PTPN11: variants seen among roughly 807,000 people sequenced by gnomAD.
PTPN11 encodes tyrosine-protein phosphatase non-receptor type 11.
PTPN11 carries 6 observed loss-of-function variants against 78.8 expected under a neutral mutation model. The observed-to-expected ratio is 0.08, with a 90% confidence interval of 0.04 to 0.15. PTPN11 has a LOEUF of 0.15. Among genes scored for constraint, PTPN11 ranks in the 10% least tolerant of loss-of-function variants. PTPN11 has a pLI of 1.00. For synonymous variants in PTPN11, 221 were observed against 263.5 expected, an observed-to-expected ratio of 0.84 and a Z score of 1.56; for missense variants, 386 against 744.8, an observed-to-expected ratio of 0.52 and a Z score of 5.61.
chr12:112,427,362 T>C (rs1308113457), intron 1 of PTPN11, among the ~76,000 whole-genome samples: 1 of 151,558 alleles, frequency 6.6e-6, no homozygotes, highest in East Asian at 1.9e-4. Context: ...CTAGCTAACA[T>C]GGTGAAACCC....
At chr12:112,452,351 T>G (rs1417329750) in intron 3 of PTPN11, among the ~76,000 whole-genome samples, 1 of 151,956 alleles carries the variant, frequency 6.6e-6, no homozygotes, top group Non-Finnish European at 1.5e-5. Flanking sequence ...CTCAGCCTCC[T>G]GAGTAGCTGG....
chr12:112,439,571 T>C (rs2037849275), intron 1 of PTPN11, among the ~76,000 whole-genome samples: 2 of 151,970 alleles, frequency 1.3e-5, no homozygotes, highest in South Asian at 4.1e-4. Context: ...TGGGTTCAGG[T>C]GATTCTCCTG....
chr12:112,454,327 C>T (rs1200413142), intron 4 of PTPN11, among the ~76,000 whole-genome samples: 1 of 152,054 alleles, frequency 6.6e-6, no homozygotes, highest in African/African-American at 2.4e-5. Flanking sequence ...ACCATGTTGG[C>T]CAGGCTGGTC....
In PTPN11 at chr12:112,453,792, G is replaced by C. The variant is rs2038113765; in HGVS notation, c.525+405G>C. ...AGCCTCTTGAGTAGCTGGGACTACA[G>C]GTGTGTGCCACCATGCCCAGCTAGT... On this transcript the variant is annotated intron_variant, in intron 4 of 15. Transcript: ENST00000351677. 4.6e-5 allele frequency among the ~76,000 whole-genome samples: 7 copies of C among 151,978 alleles called. No individual in the cohort carries two copies. In the South Asian group the frequency reaches 1.0e-3, roughly 23 times the overall value.
chr12:112,490,444 C>T (rs1165525695), intron 13 of PTPN11, among the ~76,000 whole-genome samples: 1 of 151,702 alleles, frequency 6.6e-6, no homozygotes, highest in Non-Finnish European at 1.5e-5. Flanking sequence ...GTAGCTGGGA[C>T]TATAGGCATG....
intron 6 of PTPN11, among the ~76,000 whole-genome samples, chr12:112,469,838 A>G (rs562316734): frequency 1.4e-4 from 21 of 152,232 alleles, no homozygotes; most frequent in African/African-American, 5.1e-4. Context: ...TTTGAAATAT[A>G]TTTTGTGAAG....
At chr12:112,450,196 A>G (rs2038059335) in intron 2 of PTPN11, 122 bp from the exon 3 acceptor site, 2 of 859,510 alleles carry the variant, frequency 2.3e-6, no homozygotes, top group Non-Finnish European at 3.9e-6. Flanking sequence ...GGGAATAGGT[A>G]AATTCGTTCC....
At chr12:112,458,012 A>G (rs766642079) in intron 6 of PTPN11, among the ~76,000 whole-genome samples, 3 of 152,190 alleles carry the variant, frequency 2.0e-5, no homozygotes, top group Non-Finnish European at 4.4e-5. Context: ...TGATTATTCT[A>G]TGCTTTTTGA....
At chr12:112,442,923 T>A (rs1455988367) in intron 1 of PTPN11, among the ~76,000 whole-genome samples, 1 of 138,846 alleles carries the variant, frequency 7.2e-6, no homozygotes, top group East Asian at 2.0e-4. Context: ...TGTATGTATT[T>A]TATATATAAA....
intron 1 of PTPN11, among the ~76,000 whole-genome samples, chr12:112,425,618 G>T (rs1053515295): frequency 6.6e-6 from 1 of 152,144 alleles, no homozygotes; most frequent in Non-Finnish European, 1.5e-5. Context: ...TGAAGTCTGG[G>T]CTTTTAGTGT....
intron 6 of PTPN11, among the ~76,000 whole-genome samples, chr12:112,471,529 A>T (rs1189750016): frequency 6.6e-6 from 1 of 151,970 alleles, no homozygotes; most frequent in Non-Finnish European, 1.5e-5. Context: ...AGAAGAAAAA[A>T]AGAATATAGA....
chr12:112,430,624 G>T (rs1594130872), intron 1 of PTPN11, among the ~76,000 whole-genome samples: 1 of 151,246 alleles, frequency 6.6e-6, no homozygotes, highest in Admixed American at 6.6e-5. Flanking sequence ...TTTTTCTAGA[G>T]ATGAGGTCTC....
At chr12:112,450,035 G>A (rs575212684) in intron 2 of PTPN11, among the ~76,000 whole-genome samples, 40 of 150,252 alleles carry the variant, frequency 2.7e-4, no homozygotes, top group African/African-American at 8.6e-4. Flanking sequence ...GCGGTGAACC[G>A]AGATCACGTC....
chr12:112,495,386 T>G (rs2038801745), intron 13 of PTPN11, among the ~76,000 whole-genome samples: 1 of 152,240 alleles, frequency 6.6e-6, no homozygotes, highest in African/African-American at 2.4e-5. Context: ...TTAAGAGTAC[T>G]GGTCAGATAT....
intron 1 of PTPN11, among the ~76,000 whole-genome samples, chr12:112,445,979 G>C (rs1045887002): frequency 2.0e-5 from 3 of 152,002 alleles, no homozygotes; most frequent in Admixed American, 6.6e-5. Flanking sequence ...TCAGTCTTGC[G>C]AGCACGTGGT....
chr12:112,454,828 T>C (rs1229009848), intron 5 of PTPN11, 148 bp downstream of exon 5: 1 of 700,742 alleles, frequency 1.4e-6, no homozygotes, highest in East Asian at 2.7e-5. Flanking sequence ...CTTTTTTTTT[T>C]TTTTTTTTTT....
chr12:112,491,124 A>G (rs1258102488), intron 13 of PTPN11, among the ~76,000 whole-genome samples: 1 of 152,184 alleles, frequency 6.6e-6, no homozygotes, highest in Non-Finnish European at 1.5e-5. Context: ...CAGCACAAGG[A>G]AGGAAGAATA....
intron 6 of PTPN11, among the ~76,000 whole-genome samples, chr12:112,461,692 T>G (rs2135880462): frequency 6.6e-6 from 1 of 152,278 alleles, no homozygotes; most frequent in South Asian, 2.1e-4. Context: ...GGTCTCGAAC[T>G]GCAGAGCTCA....
chr12:112,454,701 A>C, intron 5 of PTPN11, 21 bp downstream of exon 5: 17 of 1,554,178 alleles, frequency 1.1e-5, no homozygotes, highest in Non-Finnish European at 1.4e-5. Context: ...TGGAAAGCTC[A>C]AGCTTTCTCC....
Sources: allele counts gnomAD v4.1 joint callset (sites outside exome capture counted in the v4.1 genomes callset), GRCh38; gene constraint gnomAD v4.1.1; transcripts MANE v1.5; gene names NCBI Gene and HGNC (gene_info 2026-07-23, HGNC 2026-07-21).